ANKRD62: variants seen among roughly 807,000 people sequenced by gnomAD.
ANKRD62 encodes the protein ankyrin repeat domain-containing protein 62.
ANKRD62 carries 61 observed loss-of-function variants against 98.8 expected under a neutral mutation model. The observed-to-expected ratio is 0.62, with a 90% CI of 0.50 to 0.76. The LOEUF is 0.76. ANKRD62 is among the 30% of genes least tolerant of loss of function. The pLI is 0.00. For synonymous variants in ANKRD62, 341 were observed against 367.9 expected, an observed-to-expected ratio of 0.93 and a Z score of 0.84; for missense variants, 933 against 1,082.9, an observed-to-expected ratio of 0.86 and a Z score of 1.94.
intron 7 of ANKRD62, among the ~76,000 whole-genome samples, chr18:12,104,483 A>G (rs934469194): frequency 7.2e-5 from 11 of 152,152 alleles, no homozygotes; most frequent in African/African-American, 2.7e-4. Flanking sequence ...TTGTAATAGC[A>G]TATATCTGTA....
the ANKRD62 span, among the ~76,000 whole-genome samples, chr18:12,161,113 G>A: frequency 6.6e-6 from 1 of 152,080 alleles, no homozygotes; most frequent in African/African-American, 2.4e-5. Flanking sequence ...TGATTCCTCA[G>A]GCAGTCCTCA....
chr18:12,141,718 G>A, the ANKRD62 span, among the ~76,000 whole-genome samples: 7 of 82,984 alleles, frequency 8.4e-5, no homozygotes, highest in African/African-American at 2.5e-4. Context: ...TTAGGAGGAC[G>A]TATGGCACTC....
chr18:12,132,736 A>G (rs1310117928), downstream of ANKRD62, among the ~76,000 whole-genome samples: 1 of 152,102 alleles, frequency 6.6e-6, no homozygotes, highest in African/African-American at 2.4e-5. Context: ...ATACATAATC[A>G]TATGGTTTTT....
the ANKRD62 span, among the ~76,000 whole-genome samples, chr18:12,171,576 T>C: frequency 6.6e-6 from 1 of 152,226 alleles, no homozygotes; most frequent in South Asian, 2.1e-4. Context: ...TCAGCCTTTT[T>C]TCCTTCATTT....
chr18:12,160,024 C>G, the ANKRD62 span, among the ~76,000 whole-genome samples: 1 of 152,006 alleles, frequency 6.6e-6, no homozygotes. Flanking sequence ...CGTGATCTTT[C>G]TTGTGTTTCA....
chr18:12,111,073 C>T (rs150874403), intron 8 of ANKRD62, among the ~76,000 whole-genome samples: 1 of 151,580 alleles, frequency 6.6e-6, no homozygotes, highest in Non-Finnish European at 1.5e-5. Flanking sequence ...CATGATGAAA[C>T]CCTGTCTCTA....
chr18:12,154,540 C>T, the ANKRD62 span, among the ~76,000 whole-genome samples: 3 of 152,242 alleles, frequency 2.0e-5, no homozygotes, highest in Non-Finnish European at 4.4e-5. Context: ...TATGGTGAGT[C>T]CTCAGAAAGC....
downstream of ANKRD62, among the ~76,000 whole-genome samples, chr18:12,131,004 CA>C (rs1367696886): frequency 6.6e-6 from 1 of 152,116 alleles, no homozygotes; most frequent in Admixed American, 6.6e-5. Flanking sequence ...CAATGTTTTA[CA>C]AAAATGTTTT....
At chr18:12,108,131 A>G (rs559358733) in intron 8 of ANKRD62, among the ~76,000 whole-genome samples, 4 of 152,362 alleles carry the variant, frequency 2.6e-5, no homozygotes, top group South Asian at 4.1e-4. Context: ...ATGAAGTTGC[A>G]TTTATAGTGT....
intron 6 of ANKRD62, among the ~76,000 whole-genome samples, chr18:12,100,227 A>T (rs1317792547): frequency 6.6e-6 from 1 of 152,300 alleles, no homozygotes; most frequent in East Asian, 1.9e-4. Context: ...AAGACATATT[A>T]GTTATATGTA....
chr18:12,180,808 T>A, the ANKRD62 span, among the ~76,000 whole-genome samples: 4 of 151,816 alleles, frequency 2.6e-5, no homozygotes, highest in African/African-American at 7.3e-5. Flanking sequence ...TCTTTTTTTT[T>A]TATACTTTAA....
chr18:12,131,046 C>T (rs1385748477), downstream of ANKRD62, among the ~76,000 whole-genome samples: 1 of 152,144 alleles, frequency 6.6e-6, no homozygotes, highest in Non-Finnish European at 1.5e-5. Flanking sequence ...TGTGTTTCCA[C>T]CACAGCCTGT....
downstream of ANKRD62, among the ~76,000 whole-genome samples, chr18:12,132,050 ACT>A (rs1910013644): frequency 6.6e-6 from 1 of 150,960 alleles, no homozygotes; most frequent in African/African-American, 2.4e-5. Context: ...AATAATGATG[ACT>A]CTCTCAACTT....
the ANKRD62 span, among the ~76,000 whole-genome samples, chr18:12,176,125 G>A: frequency 5.3e-5 from 8 of 151,954 alleles, no homozygotes; most frequent in East Asian, 3.9e-4. Context: ...CTGGGAGGCA[G>A]AGGTTGCAGT....
chr18:12,169,499 A>T, the ANKRD62 span, among the ~76,000 whole-genome samples: 2 of 152,248 alleles, frequency 1.3e-5, no homozygotes, highest in African/African-American at 4.8e-5. Flanking sequence ...ATCTTGGTGG[A>T]TAAACTTTTT....
chr18:12,120,371 C>G (rs1909758964), intron 10 of ANKRD62, among the ~76,000 whole-genome samples: 1 of 152,164 alleles, frequency 6.6e-6, no homozygotes, highest in East Asian at 1.9e-4. Flanking sequence ...TTAACTGAAA[C>G]TTTTATCATT....
the ANKRD62 span, among the ~76,000 whole-genome samples, chr18:12,139,693 G>C: frequency 3.3e-5 from 5 of 151,958 alleles, no homozygotes; most frequent in Middle Eastern, 3.4e-3. Context: ...CTTCTGGCTT[G>C]TAGAGTTTCT....
chr18:12,128,011 A>T lies in ANKRD62; in HGVS notation c.*72A>T, dbSNP rs1909928757. 2 of 894,970 alleles carry T rather than the reference A, an allele frequency of 2.2e-6. No individual in the cohort carries two copies. Among genetic ancestry groups the T allele is most frequent in the Middle Eastern group, 3.9e-4 (1 of 2,560 alleles). The allele number at this position is 894,970 out of a possible 1,614,324, so 55.4% of individuals were successfully genotyped here. On this transcript the variant is annotated 3_prime_UTR_variant, in exon 14 of 14. Coordinates refer to ENST00000587848, the MANE Select transcript of ANKRD62 (RefSeq NM_001277333.2). ...AGCTTTCTTTTGTATTTTCATTATA[A>T]TTAATTTTATTAAAATTTGATTATC... is the stretch of plus-strand genomic sequence containing the variant.
At chr18:12,168,875 G>A in the ANKRD62 span, among the ~76,000 whole-genome samples, 1 of 152,110 alleles carries the variant, frequency 6.6e-6, no homozygotes, top group African/African-American at 2.4e-5. Flanking sequence ...GGATTCCTAG[G>A]TATTTTATTC....
Sources: gnomAD v4.1 joint callset for allele counts (sites outside exome capture counted in the v4.1 genomes callset) on GRCh38, gnomAD v4.1.1 for gene constraint, MANE v1.5 for transcripts, NCBI Gene and HGNC (gene_info 2026-07-23, HGNC 2026-07-21) for gene names.